Variants in TENM1 observed in about 807,000 individuals in gnomAD.
TENM1 encodes teneurin-1.
A neutral mutation model predicts 174.8 loss-of-function variants in TENM1; 35 were observed. The ratio of observed to expected loss-of-function variants is 0.20; its 90% CI spans 0.15 to 0.27. The LOEUF is 0.27. Ranked by LOEUF, TENM1 falls within the 10% of genes least tolerant of loss-of-function variation. The pLI is 1.00. For synonymous variants in TENM1, 781 were observed against 798.7 expected (o/e 0.98, Z 0.37); for missense variants, 1,633 against 2,130.1 (o/e 0.77, Z 4.59).
intron 29 of TENM1, 95 bp downstream of exon 32, chrX:124,385,582 G>A: frequency 1.2e-6 from 1 of 853,797 alleles, no homozygotes; most frequent in Non-Finnish European, 1.6e-6. Context: ...TTGAATGTGT[G>A]TAGATTAATG....
the TENM1 span, among the ~76,000 whole-genome samples, chrX:125,102,642 T>C: frequency 1.8e-5 from 2 of 112,206 alleles, no homozygotes; most frequent in Non-Finnish European, 3.8e-5. Flanking sequence ...ATTGTCTTCA[T>C]TGGAGTTTTC....
At chrX:125,183,743 T>G in the TENM1 span, among the ~76,000 whole-genome samples, 1 of 111,833 alleles carries the variant, frequency 8.9e-6, no homozygotes, top group Non-Finnish European at 1.9e-5. Context: ...GAGTGAGTGA[T>G]AGTGGCATTA....
At chrX:125,149,755 T>G in the TENM1 span, among the ~76,000 whole-genome samples, 1 of 111,739 alleles carries the variant, frequency 8.9e-6, no homozygotes, top group African/African-American at 3.3e-5. Context: ...ATTTTTTCAC[T>G]TCAACAGTAA....
At chrX:124,509,180 T>C (rs2266897) in intron 18 of TENM1, among the ~76,000 whole-genome samples, 20,397 of 110,023 alleles carry the variant, frequency 0.19, 1,715 homozygotes, top group East Asian at 0.36. Flanking sequence ...ACCAGGAAAT[T>C]TATGTTGGAC....
intron 11 of TENM1, among the ~76,000 whole-genome samples, chrX:124,583,506 A>G (rs2049391517): frequency 9.0e-6 from 1 of 111,347 alleles, no homozygotes; most frequent in South Asian, 3.8e-4. Flanking sequence ...TAACAACCAG[A>G]AAGGACATCC....
chrX:125,203,588 A>G, the TENM1 span, among the ~76,000 whole-genome samples: 1 of 112,476 alleles, frequency 8.9e-6, no homozygotes, highest in Non-Finnish European at 1.9e-5. Flanking sequence ...CCAGAGCCCC[A>G]TGGCCGGCGG....
intron 5 of TENM1, among the ~76,000 whole-genome samples, chrX:124,693,026 A>G (rs949174167): frequency 1.0e-4 from 10 of 97,540 alleles, no homozygotes; most frequent in African/African-American, 3.2e-4. Context: ...AAAAAAAAAG[A>G]AAAAAAAAAA....
At chrX:125,085,248 T>C in the TENM1 span, among the ~76,000 whole-genome samples, 3 of 111,181 alleles carry the variant, frequency 2.7e-5, no homozygotes, top group Non-Finnish European at 5.7e-5. Context: ...TGGTTTTAAA[T>C]ACCTGCCCAT....
the TENM1 span, among the ~76,000 whole-genome samples, chrX:125,158,198 A>T: frequency 9.1e-6 from 1 of 109,500 alleles, no homozygotes; most frequent in Non-Finnish European, 1.9e-5. Context: ...AGGTCAAGAG[A>T]TGGAGACCAT....
intron 11 of TENM1, among the ~76,000 whole-genome samples, chrX:124,569,905 T>C (rs1247478974): frequency 9.0e-6 from 1 of 111,171 alleles, no homozygotes; most frequent in Non-Finnish European, 1.9e-5. Context: ...ATAAATATAC[T>C]ACAGAAAGAA....
chrX:124,451,053 C>T (rs1399149384), intron 23 of TENM1, among the ~76,000 whole-genome samples: 2 of 111,914 alleles, frequency 1.8e-5, no homozygotes, highest in African/African-American at 6.5e-5. Context: ...TTATTAGGGT[C>T]ACAAATTTAT....
chrX:124,995,800 AT>A, the TENM1 span, among the ~76,000 whole-genome samples: 4 of 111,616 alleles, frequency 3.6e-5, no homozygotes, highest in Admixed American at 3.8e-4. Flanking sequence ...TTATAAGCAT[AT>A]TTAAGTTCCT....
the TENM1 span, among the ~76,000 whole-genome samples, chrX:125,138,362 G>A: frequency 3.6e-4 from 40 of 110,868 alleles, no homozygotes; most frequent in African/African-American, 1.2e-3. Flanking sequence ...CAAGGCTAGA[G>A]GAAGCAAAGA....
chrX:124,953,962 C>G (rs759065296), intron 1 of TENM1, among the ~76,000 whole-genome samples: 154 of 111,683 alleles, frequency 1.4e-3, no homozygotes, highest in Non-Finnish European at 2.0e-3. Context: ...TATTTTCAGA[C>G]TGAGATCAAA....
chrX:124,728,871 T>G (rs767996287), intron 4 of TENM1, among the ~76,000 whole-genome samples: 1 of 112,079 alleles, frequency 8.9e-6, no homozygotes, highest in Admixed American at 9.5e-5. Flanking sequence ...TGTACCTCAG[T>G]TGCTTCATCT....
intron 25 of TENM1, among the ~76,000 whole-genome samples, chrX:124,414,997 G>T: frequency 9.0e-6 from 1 of 111,679 alleles, no homozygotes. Context: ...AGTTCTTTTA[G>T]GAGGGCCTGG....
chrX:124,576,309 C>T (rs2858426), intron 11 of TENM1, among the ~76,000 whole-genome samples: 26,720 of 110,877 alleles, frequency 0.24, 2,430 homozygotes, highest in South Asian at 0.4. Context: ...ATCCACCTGC[C>T]TCGGCCTCCC....
chrX:124,690,484 A>T (rs758447225), intron 5 of TENM1, among the ~76,000 whole-genome samples: 5 of 93,485 alleles, frequency 5.3e-5, no homozygotes, highest in Admixed American at 1.2e-4. Flanking sequence ...GCTTTGTTAG[A>T]GTGTGTGTGT....
intron 1 of TENM1, among the ~76,000 whole-genome samples, chrX:124,958,012 C>T (rs2058602960): frequency 9.0e-6 from 1 of 111,393 alleles, no homozygotes; most frequent in African/African-American, 3.3e-5. Context: ...TAATTGATGC[C>T]TCCCTTGGAT....
Sources: gnomAD v4.1 joint callset for allele counts (sites outside exome capture counted in the v4.1 genomes callset) on GRCh38, gnomAD v4.1.1 for gene constraint, MANE v1.5 for transcripts, NCBI Gene and HGNC (gene_info 2026-07-23, HGNC 2026-07-21) for gene names.